PLXNA4: variants seen among roughly 807,000 people sequenced by gnomAD.
PLXNA4 encodes the protein plexin-A4.
A neutral mutation model predicts 191.8 loss-of-function variants in PLXNA4; 44 were observed. The ratio of observed to expected loss-of-function variants is 0.23; its 90% CI spans 0.18 to 0.29. The LOEUF (loss-of-function observed/expected upper bound fraction) is 0.29. PLXNA4 is among the 10% of genes least tolerant of loss of function. PLXNA4 has a pLI of 1.00. For synonymous variants in PLXNA4, 1,082 were observed against 1,009.5 expected (o/e 1.07, Z -1.36); for missense variants, 1,800 against 2,488.8 (o/e 0.72, Z 5.89).
intron 10 of PLXNA4, among the ~76,000 whole-genome samples, chr7:132,206,853 C>T (rs1481949068): frequency 6.6e-6 from 1 of 152,128 alleles, no homozygotes; most frequent in Non-Finnish European, 1.5e-5. Context: ...AATCAGCAGG[C>T]AGTTAATCTG....
chr7:132,275,298 C>G (rs1330880035), intron 4 of PLXNA4, among the ~76,000 whole-genome samples: 1 of 152,088 alleles, frequency 6.6e-6, no homozygotes, highest in Non-Finnish European at 1.5e-5. Context: ...ACCCTATACC[C>G]AGCTTCCCCC....
At chr7:132,562,902 C>T (rs1462264519) in intron 1 of PLXNA4, among the ~76,000 whole-genome samples, 2 of 105,418 alleles carry the variant, frequency 1.9e-5, no homozygotes, top group African/African-American at 8.4e-5. Flanking sequence ...CCTTCTCCCC[C>T]TCCTCCTCCT....
In PLXNA4 at chr7:132,162,134, G is replaced by A. The variant is rs554904219; in HGVS notation, c.4500+2008C>T. Among the ~76,000 whole-genome samples the A allele has an allele frequency of 4.1e-4, 62 of 152,326 alleles. 1 individual carries two copies. Among genetic ancestry groups the A allele is most frequent in the Middle Eastern group, 3.4e-3 (1 of 294 alleles). On this transcript the variant is annotated intron_variant, in intron 24 of 31. Transcript: ENST00000321063. ...ACTCTGGGCTCCTCCAGCCACCGCC[G>A]AGTTCCAGGACTCGTCTGCACGCCC... is the stretch of plus-strand genomic sequence containing the variant.
At chr7:132,251,348 C>A (rs1799244691) in intron 4 of PLXNA4, among the ~76,000 whole-genome samples, 1 of 152,176 alleles carries the variant, frequency 6.6e-6, no homozygotes, top group Non-Finnish European at 1.5e-5. Flanking sequence ...CGGGAACCTA[C>A]TGTTGTGTGT....
chr7:132,512,784 G>C (rs1016812663), intron 1 of PLXNA4, among the ~76,000 whole-genome samples: 2 of 152,132 alleles, frequency 1.3e-5, no homozygotes, highest in African/African-American at 4.8e-5. Flanking sequence ...TTCCCTTCCA[G>C]GATGTCAATT....
At chr7:132,262,849 T>C (rs1799701227) in intron 4 of PLXNA4, among the ~76,000 whole-genome samples, 2 of 152,036 alleles carry the variant, frequency 1.3e-5, no homozygotes, top group Non-Finnish European at 1.5e-5. Flanking sequence ...TAGAGACCAC[T>C]TGTCGTTCAT....
intron 3 of PLXNA4, among the ~76,000 whole-genome samples, chr7:132,375,282 G>GC (rs67189242): frequency 2.2e-3 from 309 of 142,616 alleles, no homozygotes; most frequent in Middle Eastern, 7.3e-3. Context: ...ACTCCATCCC[G>GC]CCCCCCCCCA....
At chr7:132,131,828 G>T (rs1215593754) in intron 31 of PLXNA4, among the ~76,000 whole-genome samples, 1 of 152,232 alleles carries the variant, frequency 6.6e-6, no homozygotes, top group Non-Finnish European at 1.5e-5. Context: ...ACTGGCATCA[G>T]GGTCCCTCCC....
At chr7:132,581,377 G>T (rs1802399564), upstream of PLXNA4, among the ~76,000 whole-genome samples, 1 of 152,200 alleles carries the variant, frequency 6.6e-6, no homozygotes, top group Non-Finnish European at 1.5e-5. Flanking sequence ...TCAGCACAGA[G>T]ATATTAACAT....
intron 3 of PLXNA4, among the ~76,000 whole-genome samples, chr7:132,337,008 A>C (rs961419702): frequency 2.6e-5 from 4 of 152,254 alleles, no homozygotes; most frequent in African/African-American, 9.6e-5. Context: ...TGGAGCCAAC[A>C]AAAGCTGCCT....
In PLXNA4 at chr7:132,514,363, G is replaced by A. The variant is rs1051453312; in HGVS notation, c.-86-5584C>T. On this transcript the variant is annotated intron_variant, in intron 1 of 31. Transcript: ENST00000321063. ...ACTGTGCCTGGCCGGTGAGACTTTT[G>A]TTTTACCCACTATATAGCAAACTAC... 2.6e-5 allele frequency among the ~76,000 whole-genome samples: 4 copies of A among 152,084 alleles called. No homozygotes were observed. In the South Asian group the frequency reaches 8.3e-4, roughly 32 times the overall value.
chr7:132,270,783 A>C (rs919409176), intron 4 of PLXNA4, among the ~76,000 whole-genome samples: 1 of 152,248 alleles, frequency 6.6e-6, no homozygotes, highest in Non-Finnish European at 1.5e-5. Context: ...TGCCTACACA[A>C]TATGAATGAA....
intron 3 of PLXNA4, among the ~76,000 whole-genome samples, chr7:132,331,119 G>T (rs1447717218): frequency 1.3e-5 from 2 of 152,198 alleles, no homozygotes; most frequent in Non-Finnish European, 2.9e-5. Context: ...GAGCAGCTTT[G>T]TTCTGCATCA....
At chr7:132,158,167 G>A (rs1351502563) in intron 25 of PLXNA4, among the ~76,000 whole-genome samples, 2 of 152,224 alleles carry the variant, frequency 1.3e-5, no homozygotes, top group Admixed American at 1.3e-4. Context: ...CAAGAGAGAG[G>A]AAATGGGGTT....
At chr7:132,581,805 C>T (rs1802407335), upstream of PLXNA4, among the ~76,000 whole-genome samples, 1 of 152,194 alleles carries the variant, frequency 6.6e-6, no homozygotes, top group Admixed American at 6.5e-5. Context: ...TGGTCCAAGT[C>T]TTACTCCCCT....
At chr7:132,370,911 G>A (rs144543217) in intron 3 of PLXNA4, among the ~76,000 whole-genome samples, 2 of 152,234 alleles carry the variant, frequency 1.3e-5, no homozygotes, top group Admixed American at 6.5e-5. Flanking sequence ...GAGGATGCAC[G>A]TATGCCTATG....
intron 1 of PLXNA4, among the ~76,000 whole-genome samples, chr7:132,572,642 C>T (rs1802032111): frequency 6.6e-6 from 1 of 152,222 alleles, no homozygotes; most frequent in Non-Finnish European, 1.5e-5. Flanking sequence ...TCTTACCACT[C>T]AGCAGCAGAG....
chr7:132,306,270 C>G (rs548558003), intron 3 of PLXNA4, among the ~76,000 whole-genome samples: 18 of 152,270 alleles, frequency 1.2e-4, no homozygotes, highest in Admixed American at 9.2e-4. Flanking sequence ...AAAAGGGAGA[C>G]TTCATTGGGG....
rs1803697917 is a variant in PLXNA4 at position 132,356,170 on chromosome 7, G to A, written c.1372-57948C>T. Among the ~76,000 whole-genome samples, 3 of 151,988 alleles carry A rather than the reference G, an allele frequency of 2.0e-5. No homozygotes were observed. In the South Asian group the frequency reaches 6.2e-4, roughly 32 times the overall value. On this transcript the variant is annotated intron_variant, in intron 3 of 31. Transcript: ENST00000321063. ...CCTAGAAGCTCTACCTGGCAGATCG[G>A]TGAGAAGCTGGGGTTCTATTTTTTT...
Sources: gnomAD v4.1 joint callset for allele counts (sites outside exome capture counted in the v4.1 genomes callset) on GRCh38, gnomAD v4.1.1 for gene constraint, MANE v1.5 for transcripts, NCBI Gene and HGNC (gene_info 2026-07-23, HGNC 2026-07-21) for gene names.